The following ZPBP variants were observed in gnomAD, a reference collection of about 807,000 sequenced individuals.
The protein encoded by ZPBP is zona pellucida-binding protein 1.
Under a neutral mutation model 44.8 loss-of-function variants are expected in ZPBP, and 26 were observed. That is an observed-to-expected ratio of 0.58 (90% CI 0.43 to 0.81). The LOEUF is 0.81. ZPBP is among the 30% of genes least tolerant of loss of function. The pLI, the probability that ZPBP is intolerant of heterozygous loss-of-function variation, is 0.00. For missense variants in ZPBP, 409 were observed against 434.0 expected (o/e 0.94, Z 0.51); for synonymous variants, 174 against 153.2 (o/e 1.14, Z -1.00).
chr7:49,980,951 T>C (rs1399026694), intron 7 of ZPBP, among the ~76,000 whole-genome samples: 1 of 151,722 alleles, frequency 6.6e-6, no homozygotes, highest in African/African-American at 2.4e-5. Flanking sequence ...GACTATTCCT[T>C]TTACTTTGTT....
intron 7 of ZPBP, among the ~76,000 whole-genome samples, chr7:49,958,643 T>C (rs1389553224): frequency 6.6e-6 from 1 of 152,196 alleles, no homozygotes; most frequent in Non-Finnish European, 1.5e-5. Flanking sequence ...AGCCAATAAA[T>C]TTCTTTTCAT....
intron 2 of ZPBP, among the ~76,000 whole-genome samples, chr7:49,868,170 G>A (rs957338727): frequency 6.6e-6 from 1 of 152,120 alleles, no homozygotes; most frequent in Admixed American, 6.6e-5. Flanking sequence ...AAACCCAAGT[G>A]AATGATTCAT....
At chr7:49,888,788 G>T (rs1583760442) in intron 2 of ZPBP, among the ~76,000 whole-genome samples, 5 of 152,298 alleles carry the variant, frequency 3.3e-5, no homozygotes, top group Admixed American at 3.3e-4. Flanking sequence ...GCAGGCGCCT[G>T]TAATCTCAGC....
intron 6 of ZPBP, among the ~76,000 whole-genome samples, chr7:50,011,211 A>T (rs1798563023): frequency 6.6e-6 from 1 of 152,120 alleles, no homozygotes; most frequent in Admixed American, 6.6e-5. Context: ...ACAAAAATCA[A>T]CTCAATATGG....
chr7:50,010,907 G>GC (rs1798539004), intron 6 of ZPBP, among the ~76,000 whole-genome samples: 2 of 45,938 alleles, frequency 4.4e-5, no homozygotes, highest in Non-Finnish European at 8.2e-5. Context: ...GCAAGACCAA[G>GC]CAAAAAAAAA....
At chr7:49,982,204 TATA>T (rs375587710) in intron 7 of ZPBP, among the ~76,000 whole-genome samples, 7 of 24,040 alleles carry the variant, frequency 2.9e-4, no homozygotes, top group East Asian at 2.0e-3. Context: ...ATATTTATTA[TATA>T]TATATATAAT....
chr7:49,973,633 C>T (rs1004817336), intron 7 of ZPBP, among the ~76,000 whole-genome samples: 1 of 151,970 alleles, frequency 6.6e-6, no homozygotes, highest in Admixed American at 6.6e-5. Flanking sequence ...ATCAAGTCCA[C>T]AATGAGGAAC....
At chr7:50,067,023 G>A (rs1277072802) in intron 3 of ZPBP, among the ~76,000 whole-genome samples, 1 of 152,160 alleles carries the variant, frequency 6.6e-6, no homozygotes, top group Non-Finnish European at 1.5e-5. Flanking sequence ...ACAATATGGG[G>A]CCTATCTTAT....
intron 1 of ZPBP, chr7:49,919,447 T>C (rs1011436427): frequency 6.6e-6 from 1 of 152,168 alleles, no homozygotes; most frequent in South Asian, 2.1e-4. Flanking sequence ...AGTAGCTAGC[T>C]AGTGATAAAA....
chr7:49,995,688 G>A (rs961406300), intron 6 of ZPBP, among the ~76,000 whole-genome samples: 2 of 152,136 alleles, frequency 1.3e-5, no homozygotes, highest in Middle Eastern at 3.4e-3. Flanking sequence ...ATACTATTTG[G>A]CCATAAAAAG....
At chr7:49,896,487 A>C (rs1792389382) in intron 2 of ZPBP, among the ~76,000 whole-genome samples, 1 of 152,228 alleles carries the variant, frequency 6.6e-6, no homozygotes, top group Non-Finnish European at 1.5e-5. Flanking sequence ...AGAAACTTGA[A>C]AAAGCAAAGC....
chr7:49,846,764 C>G (rs929235156), downstream of ZPBP, among the ~76,000 whole-genome samples: 3 of 152,172 alleles, frequency 2.0e-5, no homozygotes, highest in African/African-American at 7.2e-5. Flanking sequence ...TCATAATTTC[C>G]TGATATAGGA....
intron 7 of ZPBP, among the ~76,000 whole-genome samples, chr7:49,980,119 A>G (rs1473221129): frequency 1.9e-5 from 2 of 104,876 alleles, no homozygotes; most frequent in Non-Finnish European, 3.4e-5. Flanking sequence ...ATATAATTTT[A>G]TATTATAATT....
At chr7:50,029,415 C>G (rs1471156752) in intron 5 of ZPBP, among the ~76,000 whole-genome samples, 1 of 152,022 alleles carries the variant, frequency 6.6e-6, no homozygotes, top group Non-Finnish European at 1.5e-5. Flanking sequence ...GATTTGGCAA[C>G]ATATTCTTAG....
At chr7:49,857,954 C>A (rs1288081505) in intron 2 of ZPBP, among the ~76,000 whole-genome samples, 2 of 152,176 alleles carry the variant, frequency 1.3e-5, no homozygotes, top group South Asian at 2.1e-4. Context: ...TGAGACCACA[C>A]AGGCTTTCCC....
intron 2 of ZPBP, among the ~76,000 whole-genome samples, chr7:49,867,070 C>T (rs1562740813): frequency 6.6e-6 from 1 of 152,180 alleles, no homozygotes. Context: ...AGACAGATGG[C>T]TCAAGAAATG....
the ZPBP span, among the ~76,000 whole-genome samples, chr7:49,842,948 C>T: frequency 6.6e-6 from 1 of 151,950 alleles, no homozygotes; most frequent in Non-Finnish European, 1.5e-5. Flanking sequence ...GGTTTGATAC[C>T]TGGGTGTACT....
chr7:49,854,497 T>C (rs1229255048), intron 2 of ZPBP, among the ~76,000 whole-genome samples: 2 of 152,236 alleles, frequency 1.3e-5, no homozygotes, highest in African/African-American at 4.8e-5. Context: ...GTCTGTTGGC[T>C]GCATAAATGT....
At chr7:49,925,236 T>C (rs1794190863) in intron 1 of ZPBP, among the ~76,000 whole-genome samples, 1 of 152,206 alleles carries the variant, frequency 6.6e-6, no homozygotes, top group Non-Finnish European at 1.5e-5. Context: ...AGATATAGTA[T>C]GTACAGATAT....
Sources: allele counts gnomAD v4.1 joint callset (sites outside exome capture counted in the v4.1 genomes callset), GRCh38; gene constraint gnomAD v4.1.1; transcripts MANE v1.5; gene names NCBI Gene and HGNC (gene_info 2026-07-23, HGNC 2026-07-21).